The following CX3CR1 variants were observed in gnomAD, a reference collection of about 807,000 sequenced individuals.
CX3CR1 encodes C-X3-C motif chemokine receptor 1.
For missense variants in CX3CR1, 363 were observed against 432.4 expected (o/e 0.84, Z 1.42); for synonymous variants, 168 against 178.5 (o/e 0.94, Z 0.47).
upstream of CX3CR1, among the ~76,000 whole-genome samples, chr3:39,283,799 A>ATT (rs1369055328): frequency 0.083 from 2,430 of 29,194 alleles, 55 homozygotes; most frequent in Non-Finnish European, 0.11. Flanking sequence ...AAAAAATTAT[A>ATT]TATATATATA....
intron 1 of CX3CR1, among the ~76,000 whole-genome samples, chr3:39,278,704 T>C (rs1575211481): frequency 6.7e-6 from 1 of 149,794 alleles, no homozygotes; most frequent in African/African-American, 2.5e-5. Flanking sequence ...ATCCTAAACT[T>C]TCTTAGCCAT....
rs1265506997 is a variant in CX3CR1, at chr3:39,265,533, G to A, written c.977C>T (p.Ser326Leu). ...ATGCCTGCTCCTTTGTGATTCAGAT[G>A]AGGAGAAATCAACGTGGACTGAGCG... ...CGRSVHVDFSSSESQRSRHGS... is the reference protein window; with the variant it reads ...CGRSVHVDFSLSESQRSRHGS... The change falls in exon 2 of 2, where the codon TCA (serine) becomes TTA (leucine). Residue 326 changes from serine to leucine, a missense_variant. Transcript: ENST00000399220. 3 of 1,614,234 alleles carry A rather than the reference G, an allele frequency of 1.9e-6. No homozygotes were observed. Among genetic ancestry groups the A allele is most frequent in the South Asian group, 1.1e-5 (1 of 91,086 alleles).
At position 39,263,795 on chromosome 3, in the gene CX3CR1, A is replaced by C. The variant is rs2040653722; in HGVS notation, c.*1647T>G. On this transcript the variant is annotated 3_prime_UTR_variant, in exon 2 of 2. Coordinates refer to ENST00000399220, the MANE Select transcript of CX3CR1 (RefSeq NM_001337.4). Reference sequence around the variant, plus strand: ...TTAAGAGGAAAACAAATCAGATTATAAAACCATCTGTACATTACGATTGCA... The same window carrying C: ...TTAAGAGGAAAACAAATCAGATTATCAAACCATCTGTACATTACGATTGCA... 1 of 152,270 alleles carries C rather than the reference A, an allele frequency of 6.6e-6. No individual in the cohort carries two copies. Among genetic ancestry groups the C allele is most frequent in the South Asian group, 2.1e-4 (1 of 4,836 alleles). The allele number at this position is 152,270 out of a possible 1,614,324, so 9.4% of individuals were successfully genotyped here. A position where few individuals can be genotyped will look rare whatever the true frequency, so the allele number is the denominator to read the frequency against.
intron 1 of CX3CR1, among the ~76,000 whole-genome samples, chr3:39,270,324 CA>C: frequency 6.6e-6 from 1 of 152,342 alleles, no homozygotes; most frequent in South Asian, 2.1e-4. Context: ...TAGACACACA[CA>C]TGCTCAAGCA....
intron 1 of CX3CR1, among the ~76,000 whole-genome samples, chr3:39,273,859 G>C (rs2040808045): frequency 6.6e-6 from 1 of 152,126 alleles, no homozygotes; most frequent in African/African-American, 2.4e-5. Flanking sequence ...TGAACATCTG[G>C]CCTCAAGAGA....
intron 1 of CX3CR1, among the ~76,000 whole-genome samples, chr3:39,279,126 C>A (rs139458780): frequency 4.1e-4 from 62 of 151,908 alleles, no homozygotes; most frequent in South Asian, 1.5e-3. Context: ...CCATTGCACT[C>A]CAGCTTAGGC....
chr3:39,266,219 G>A lies in CX3CR1; in HGVS notation c.291C>T (p.Leu97=), dbSNP rs1420321167. 6.2e-7 allele frequency: 1 copy of A among 1,614,194 alleles called. No individual in the cohort carries two copies. Among genetic ancestry groups the A allele is most frequent in the Admixed American group, 1.7e-5 (1 of 60,026 alleles). The change falls in exon 2 of 2, where the codon CTC becomes CTT. Residue 97 remains leucine (L), a synonymous_variant. Transcript: ENST00000399220. ...TAGTGAATTTGCACATGGCATTGTG[G>A]AGGCCCTTTTCATTTATCAAATAGT... ...WTHYLINEKG[L]HNAMCKFTTA...
Position 39,265,403 on chromosome 3 carries a change from C to T in CX3CR1, c.*39G>A, listed in dbSNP as rs760473674. On this transcript the variant is annotated 3_prime_UTR_variant, in exon 2 of 2. Coordinates refer to ENST00000399220, the MANE Select transcript of CX3CR1 (RefSeq NM_001337.4). ...CACTAGTCAGCATCAGGTTCAGGAA[C>T]TCCAGGTTCTCTGTAGACACAAGGC... 3.8e-5 allele frequency: 59 copies of T among 1,543,980 alleles called. No individual in the cohort carries two copies. The highest frequency in any genetic ancestry group is 4.9e-5 in the Non-Finnish European group (56 of 1,146,848).
chr3:39,277,621 G>A (rs920804739), intron 1 of CX3CR1, among the ~76,000 whole-genome samples: 1 of 152,170 alleles, frequency 6.6e-6, no homozygotes, highest in East Asian at 1.9e-4. Flanking sequence ...ATCCCAAGAA[G>A]GAGGTTTTTT....
upstream of CX3CR1, among the ~76,000 whole-genome samples, chr3:39,283,371 C>A (rs1031042634): frequency 1.1e-4 from 17 of 151,980 alleles, no homozygotes; most frequent in Admixed American, 1.1e-3. Flanking sequence ...TCCAAGGTGG[C>A]GAAAATTGGT....
the CX3CR1 span, among the ~76,000 whole-genome samples, chr3:39,291,961 A>C: frequency 6.6e-6 from 1 of 152,284 alleles, no homozygotes; most frequent in East Asian, 1.9e-4. Context: ...AGCAGTAGGG[A>C]TGTGGAAGGA....
chr3:39,277,608 T>C (rs1395913488), intron 1 of CX3CR1, among the ~76,000 whole-genome samples: 2 of 152,176 alleles, frequency 1.3e-5, no homozygotes, highest in African/African-American at 4.8e-5. Flanking sequence ...GTTGGATGCC[T>C]GGATCCCAAG....
At chr3:39,266,780 C>T in intron 1 of CX3CR1, 1 of 659,140 alleles carries the variant, frequency 1.5e-6, no homozygotes, top group South Asian at 1.5e-5. Context: ...GAGCATTTGG[C>T]TCTAGGCATT....
At chr3:39,286,524 G>T (rs533804939), upstream of CX3CR1, 1 of 151,690 alleles carries the variant, frequency 6.6e-6, no homozygotes, top group Non-Finnish European at 1.5e-5. Flanking sequence ...GGTGGCGGGC[G>T]CCTGTAGTCC....
At position 39,266,433 on chromosome 3, in the gene CX3CR1, A is replaced by T. The variant is rs376491318; in HGVS notation, c.77T>A (p.Ile26Asn). ...CAGGAACACAGTCCCAAAGACCACG[A>T]TGTCCCCAATATAACAGGCCTCAGC... ...DLAEACYIGDIVVFGTVFLSI... is the reference protein window; with the variant it reads ...DLAEACYIGDNVVFGTVFLSI... The change falls in exon 2 of 2, where the codon ATC becomes AAC. Residue 26 changes from isoleucine to asparagine, a missense_variant. Coordinates refer to ENST00000399220, the MANE Select transcript of CX3CR1 (RefSeq NM_001337.4). The T allele has an allele frequency of 5.0e-6, 8 of 1,614,226 alleles. No homozygotes were observed. Among genetic ancestry groups the T allele is most frequent in the African/African-American group, 1.3e-5 (1 of 75,052 alleles).
chr3:39,282,089 G>A (rs1359248269), upstream of CX3CR1, among the ~76,000 whole-genome samples: 2 of 152,188 alleles, frequency 1.3e-5, no homozygotes, highest in Non-Finnish European at 2.9e-5. Context: ...CGGTTATTTG[G>A]CCCTGAGCGA....
At position 39,266,524 on chromosome 3, in the gene CX3CR1, T is replaced by A. The variant is rs764108685; in HGVS notation, c.-9-6A>T. The A allele has an allele frequency of 1.1e-5, 18 of 1,613,328 alleles. No individual in the cohort carries two copies. The highest frequency in any genetic ancestry group is 1.4e-5 in the Non-Finnish European group (17 of 1,179,372). ...AACTGATCCATGGTGAAGGCCTGGA[T>A]CAGAAAGAAAAACAAGTAACTGTGT... On this transcript the variant is annotated splice_region_variant and splice_polypyrimidine_tract_variant and intron_variant, in intron 1 of 1. Coordinates refer to ENST00000399220, the MANE Select transcript of CX3CR1 (RefSeq NM_001337.4).
Position 39,266,468 on chromosome 3 carries a change from G to C in CX3CR1, c.42C>G (p.Tyr14Ter), listed in dbSNP as rs550232627. The C allele has an allele frequency of 1.9e-6, 3 of 1,614,016 alleles. No homozygotes were observed. Among genetic ancestry groups the C allele is most frequent in the South Asian group, 2.2e-5 (2 of 91,058 alleles). The change falls in exon 2 of 2, where the codon TAC becomes TAG. Residue 14 changes from tyrosine to a stop codon, truncating the protein, a stop_gained. Coordinates refer to ENST00000399220, the MANE Select transcript of CX3CR1 (RefSeq NM_001337.4). LOFTEE classifies it low-confidence loss of function (END_TRUNC). ...FPESVTENFE[Y>*]DDLAEACYIG... is the part of the protein sequence containing the mutation. ...TATAACAGGCCTCAGCCAAATCATC[G>C]TACTCAAAGTTTTCTGTCACTGATT... is the stretch of plus-strand genomic sequence containing the variant.
At chr3:39,287,485 T>C in the CX3CR1 span, 1 of 152,206 alleles carries the variant, frequency 6.6e-6, no homozygotes, top group Non-Finnish European at 1.5e-5. Flanking sequence ...AACATTTCAA[T>C]TTAGAAAGAG....
Sources: allele counts gnomAD v4.1 joint callset (sites outside exome capture counted in the v4.1 genomes callset), GRCh38; gene constraint gnomAD v4.1.1; transcripts MANE v1.5; gene names NCBI Gene and HGNC (gene_info 2026-07-23, HGNC 2026-07-21).